GABRA4: variants seen among roughly 807,000 people sequenced by gnomAD.
GABRA4 encodes gamma-aminobutyric acid receptor subunit alpha-4.
A neutral mutation model predicts 49.7 loss-of-function variants in GABRA4; 12 were observed. The observed-to-expected ratio is 0.24, with a 90% CI of 0.15 to 0.39. GABRA4 has a LOEUF of 0.39. GABRA4 is among the 10% of genes least tolerant of loss of function. The pLI is 1.00. For missense variants in GABRA4, 506 were observed against 686.0 expected (o/e 0.74, Z 2.93); for synonymous variants, 288 against 240.2 (o/e 1.20, Z -1.84).
intron 2 of GABRA4, among the ~76,000 whole-genome samples, chr4:46,979,573 T>C (rs1042809748): frequency 6.6e-6 from 1 of 152,100 alleles, no homozygotes. Context: ...AAATGATTCA[T>C]GTCACCTTTA....
In GABRA4 at chr4:46,929,088, G is replaced by A. The variant is rs1721340170; in HGVS notation, c.1135-333C>T. Reference sequence around the variant, plus strand: ...ATTTTAAGAGTTAATGAATACTGCTGTAAAAGTTATTTGTTTAGCTTTATT... The same window carrying A: ...ATTTTAAGAGTTAATGAATACTGCTATAAAAGTTATTTGTTTAGCTTTATT... On this transcript the variant is annotated intron_variant, in intron 8 of 8. Transcript: ENST00000264318. Among the ~76,000 whole-genome samples, 3 of 152,022 alleles carry A rather than the reference G, an allele frequency of 2.0e-5. No individual in the cohort carries two copies. The South Asian group carries it at 6.2e-4, about 32-fold the overall frequency.
rs1577788691 is a variant in GABRA4, at chr4:46,977,647, G to A, written c.274-17C>T. 6.4e-7 allele frequency: 1 copy of A among 1,564,894 alleles called. No homozygotes were observed. The highest frequency in any genetic ancestry group is 1.4e-5 in the African/African-American group (1 of 73,318). ...TGTGTATTCCTAGGACAATTATTTT[G>A]GAACATATTTAAGTTGCAAATGACT... On this transcript the variant is annotated splice_polypyrimidine_tract_variant and intron_variant, in intron 3 of 8. Coordinates refer to ENST00000264318, the MANE Select transcript of GABRA4 (RefSeq NM_000809.4).
intron 2 of GABRA4, among the ~76,000 whole-genome samples, chr4:46,982,730 G>A (rs1449716359): frequency 1.3e-5 from 2 of 152,008 alleles, no homozygotes; most frequent in Non-Finnish European, 2.9e-5. Context: ...GAGTTTATAT[G>A]ATTAGATTAT....
chr4:46,977,655 T>G, intron 3 of GABRA4, 25 bp from the exon 4 acceptor site: 3 of 1,516,644 alleles, frequency 2.0e-6, no homozygotes, highest in Non-Finnish European at 2.7e-6. Flanking sequence ...TTGGAACATA[T>G]TTAAGTTGCA....
At chr4:46,969,246 C>T (rs547928864) in intron 7 of GABRA4, among the ~76,000 whole-genome samples, 4 of 151,634 alleles carry the variant, frequency 2.6e-5, no homozygotes, top group African/African-American at 9.6e-5. Flanking sequence ...TCTACACACT[C>T]TTTAGGATCA....
intron 2 of GABRA4, among the ~76,000 whole-genome samples, chr4:46,982,874 G>A (rs1008995826): frequency 1.3e-5 from 2 of 152,126 alleles, no homozygotes; most frequent in Non-Finnish European, 2.9e-5. Flanking sequence ...GACTAGGGAT[G>A]TGGCAGTGGG....
intron 5 of GABRA4, among the ~76,000 whole-genome samples, chr4:46,975,148 A>G (rs892555362): frequency 1.1e-4 from 16 of 151,982 alleles, no homozygotes; most frequent in Non-Finnish European, 2.2e-4. Context: ...TGGCTCACAC[A>G]CAAGTAAGTT....
rs1721284807 is a variant in GABRA4 at position 46,927,925 on chromosome 4, GA to G, written c.*299del. ...TCATAGTCTGTTTTCAAATATCAAT[GA>G]AAAAATATGCGCCACTTGTCTCTAA... On this transcript the variant is annotated 3_prime_UTR_variant, in exon 9 of 9. Coordinates refer to ENST00000264318, the MANE Select transcript of GABRA4 (RefSeq NM_000809.4). The G allele has an allele frequency of 9.0e-6, 2 of 221,108 alleles. No homozygotes were observed. The highest frequency in any genetic ancestry group is 1.8e-5 in the Non-Finnish European group (2 of 111,764). The allele number at this position is 221,108 out of a possible 1,614,324, so 13.7% of individuals were successfully genotyped here.
chr4:46,992,564 C>T (rs965952281), intron 2 of GABRA4: 6 of 478,472 alleles, frequency 1.3e-5, no homozygotes, highest in African/African-American at 9.7e-5. Flanking sequence ...CTCTTCCTCT[C>T]CAACCTCCCC....
intron 2 of GABRA4, among the ~76,000 whole-genome samples, chr4:46,990,165 T>C (rs1224060378): frequency 6.6e-6 from 1 of 152,228 alleles, no homozygotes; most frequent in Non-Finnish European, 1.5e-5. Flanking sequence ...ATTTAGTAAA[T>C]GTTTAAATGG....
chr4:46,944,184 T>A (rs1485109069), intron 8 of GABRA4, among the ~76,000 whole-genome samples: 1 of 152,166 alleles, frequency 6.6e-6, no homozygotes, highest in Non-Finnish European at 1.5e-5. Flanking sequence ...GTTGATTAGC[T>A]TGATTGTAGT....
intron 8 of GABRA4, among the ~76,000 whole-genome samples, chr4:46,952,634 C>A (rs1380434612): frequency 6.6e-6 from 1 of 151,944 alleles, no homozygotes; most frequent in Non-Finnish European, 1.5e-5. Flanking sequence ...CTCAAAATAG[C>A]AAAAGGGAAA....
At chr4:46,965,968 G>A (rs1363147505) in intron 7 of GABRA4, among the ~76,000 whole-genome samples, 1 of 148,306 alleles carries the variant, frequency 6.7e-6, no homozygotes, top group Non-Finnish European at 1.5e-5. Flanking sequence ...ATTTGCAAAA[G>A]GAACAGAAGT....
intron 8 of GABRA4, among the ~76,000 whole-genome samples, chr4:46,944,888 TCTAA>T (rs1222800718): frequency 2.6e-5 from 4 of 152,016 alleles, no homozygotes; most frequent in African/African-American, 7.2e-5. Flanking sequence ...CTCAACAGTG[TCTAA>T]CTGTTTTCCT....
At chr4:46,959,940 A>T (rs577519607) in intron 8 of GABRA4, among the ~76,000 whole-genome samples, 1 of 151,070 alleles carries the variant, frequency 6.6e-6, no homozygotes, top group African/African-American at 2.4e-5. Flanking sequence ...TACATGAGAC[A>T]GTCAGTATAT....
At position 46,924,531 on chromosome 4, in the gene GABRA4, G is replaced by A. The variant is rs760312927; in HGVS notation, c.*3694C>T. ...TCAGCACAGTACCCAAACTGGGCAG[G>A]AGCCCATTTAGTGAATAAAAGCCCA... On this transcript the variant is annotated 3_prime_UTR_variant, in exon 9 of 9. Coordinates refer to ENST00000264318, the MANE Select transcript of GABRA4 (RefSeq NM_000809.4). The A allele has an allele frequency of 1.3e-5, 2 of 152,022 alleles. No individual in the cohort carries two copies. The highest frequency in any genetic ancestry group is 2.9e-5 in the Non-Finnish European group (2 of 67,964). The allele number at this position is 152,022 out of a possible 1,614,324, so 9.4% of individuals were successfully genotyped here.
chr4:46,961,923 T>C (rs933609997), intron 8 of GABRA4, among the ~76,000 whole-genome samples: 19 of 151,910 alleles, frequency 1.3e-4, no homozygotes, highest in Admixed American at 4.6e-4. Context: ...ACTATTTTTG[T>C]ACAGTTGGAC....
At chr4:46,928,798 T>C (rs1304521009) in intron 8 of GABRA4, 43 bp from the exon 9 acceptor site, 2 of 1,357,058 alleles carry the variant, frequency 1.5e-6, no homozygotes, top group African/African-American at 1.5e-5. Context: ...TGTAACTTTA[T>C]GCAGATTTGT....
rs151071481 is a variant in GABRA4 at position 46,950,741 on chromosome 4, A to T, written c.1134+14229T>A. Among the ~76,000 whole-genome samples the T allele has an allele frequency of 8.8e-3, 1,304 of 148,148 alleles. 13 individuals are homozygous for T. The highest frequency in any genetic ancestry group is 0.057 in the South Asian group (256 of 4,460). On this transcript the variant is annotated intron_variant, in intron 8 of 8. Coordinates refer to ENST00000264318, the MANE Select transcript of GABRA4 (RefSeq NM_000809.4). ...AAAATAAATAAATAAATAAATAAAT[A>T]AATAAATTACTATATGCTTGTCCAG... is the stretch of plus-strand genomic sequence containing the variant.
Sources: gnomAD v4.1 joint callset for allele counts (sites outside exome capture counted in the v4.1 genomes callset) on GRCh38, gnomAD v4.1.1 for gene constraint, MANE v1.5 for transcripts, NCBI Gene and HGNC (gene_info 2026-07-23, HGNC 2026-07-21) for gene names.